Variants in KAT2A observed in about 807,000 individuals in gnomAD.
KAT2A encodes lysine acetyltransferase 2A.
In KAT2A, 42 loss-of-function variants were observed where a neutral mutation model predicts 95.2. The ratio of observed to expected loss-of-function variants is 0.44; its 90% CI spans 0.34 to 0.57. The LOEUF is 0.57. Among genes scored for constraint, KAT2A ranks in the 20% least tolerant of loss-of-function variants. The pLI, the probability that KAT2A is intolerant of heterozygous loss-of-function variation, is 0.01. For missense variants in KAT2A, 784 were observed against 1,126.3 expected (o/e 0.70, Z 4.35); for synonymous variants, 449 against 448.2 (o/e 1.00, Z -0.02).
rs1555667400 is a variant in KAT2A, at chr17:42,121,340, C to T, written c.-36G>A. ...GCAGCGGAGAGCGGCGCCGCGCTCCCAGCCCTAGGGCCGCATGGGCAACCA... is the reference window on the plus strand; with the variant it reads ...GCAGCGGAGAGCGGCGCCGCGCTCCTAGCCCTAGGGCCGCATGGGCAACCA... On this transcript the variant is annotated 5_prime_UTR_variant, in exon 1 of 18. Transcript: ENST00000225916. 3 of 1,364,934 alleles carry T rather than the reference C, an allele frequency of 2.2e-6. No individual in the cohort carries two copies. The highest frequency in any genetic ancestry group is 1.9e-6 in the Non-Finnish European group (2 of 1,066,274). 84.6% of individuals were successfully genotyped at this position (1,364,934 alleles called of 1,614,324 possible).
At chr17:42,115,100 C>A in intron 12 of KAT2A, 65 bp from the exon 13 acceptor site, 1 of 1,541,626 alleles carries the variant, frequency 6.5e-7, no homozygotes, top group Non-Finnish European at 8.9e-7. Flanking sequence ...TCGTCCCTCA[C>A]CTGGGAGCAC....
In KAT2A at chr17:42,119,363, G is replaced by A. The variant is rs1555666799; in HGVS notation, c.955C>T (p.Arg319Ter). The part of the protein sequence containing the change: ...PRYETTHVFG[R>*]SLLRSIFTVT... ...GTGAAAATGGACCGGAGAAGGCTTC[G>A]CCCAAAGACATGAGTGGTTTCGTAG... The change falls in exon 6 of 18, where the codon CGA (arginine) becomes TGA (stop). Residue 319 changes from arginine to a stop codon, truncating the protein, a stop_gained. Coordinates refer to ENST00000225916, the MANE Select transcript of KAT2A (RefSeq NM_021078.3). LOFTEE classifies it high-confidence loss of function. This position sits in a 1 kb window ranked among gnomAD's most constrained non-coding sequence, Gnocchi z 5.3. 7 of 1,613,922 alleles carry A rather than the reference G, an allele frequency of 4.3e-6. No homozygotes were observed. In the Admixed American group the frequency reaches 8.3e-5, roughly 19 times the overall value.
In KAT2A at chr17:42,119,925, C is replaced by A; in HGVS notation, c.699+105G>T. 8.6e-7 allele frequency: 1 copy of A among 1,168,056 alleles called. No individual in the cohort carries two copies. Among genetic ancestry groups the A allele is most frequent in the Admixed American group, 1.8e-5 (1 of 55,568 alleles). The allele number at this position is 1,168,056 out of a possible 1,614,324, so 72.4% of individuals were successfully genotyped here. A position where few individuals can be genotyped will look rare whatever the true frequency, so the allele number is the denominator to read the frequency against. ...CACAAAACACCCTTCCTTCTCTGAA[C>A]CTCCCCAGTGTTCTCAGCTTGAGGA... On this transcript the variant is annotated intron_variant, in intron 4 of 17. Coordinates refer to ENST00000225916, the MANE Select transcript of KAT2A (RefSeq NM_021078.3). The surrounding 1 kb of genome is among the most constrained non-coding windows in gnomAD (Gnocchi z 5.3).
At chr17:42,120,195 C>G (rs1426015128) in intron 3 of KAT2A, 30 bp downstream of exon 3, 3 of 1,614,028 alleles carry the variant, frequency 1.9e-6, no homozygotes, top group Non-Finnish European at 1.7e-6. Flanking sequence ...CCACCTCCTT[C>G]ACTCACACCC....
rs1041810405 is a variant in KAT2A at position 42,114,479 on chromosome 17, C to A, written c.2134+11G>T. The A allele has an allele frequency of 5.6e-5, 91 of 1,613,532 alleles. No homozygotes were observed. Among genetic ancestry groups the A allele is most frequent in the Non-Finnish European group, 7.5e-5 (89 of 1,179,562 alleles). ...TGCCCCCACTACCCTGCAACTGAGA[C>A]CCCTGCTTACGAATGCCAGGAACGC... On this transcript the variant is annotated intron_variant, in intron 14 of 17. Coordinates refer to ENST00000225916, the MANE Select transcript of KAT2A (RefSeq NM_021078.3). The surrounding 1 kb of genome is among the most constrained non-coding windows in gnomAD (Gnocchi z 6.0).
Position 42,119,133 on chromosome 17 carries a change from G to A in KAT2A, c.1073+112C>T. 6.6e-7 allele frequency: 1 copy of A among 1,505,322 alleles called. No individual in the cohort carries two copies. The highest frequency in any genetic ancestry group is 8.9e-7 in the Non-Finnish European group (1 of 1,128,392). 93.2% of individuals were successfully genotyped at this position (1,505,322 alleles called of 1,614,324 possible). ...CCAGGTAGACGCCCAGATCCCAAAA[G>A]GCCCATGGAGGGAGAGGAGGGACCA... On this transcript the variant is annotated intron_variant, in intron 6 of 17. Coordinates refer to ENST00000225916, the MANE Select transcript of KAT2A (RefSeq NM_021078.3). This position sits in a 1 kb window ranked among gnomAD's most constrained non-coding sequence, Gnocchi z 5.3.
In KAT2A at chr17:42,120,057, A is replaced by G. The variant is rs782001146; in HGVS notation, c.672T>C (p.Pro224=). 1.2e-6 allele frequency: 2 copies of G among 1,614,050 alleles called. No homozygotes were observed. The highest frequency in any genetic ancestry group is 1.7e-6 in the Non-Finnish European group (2 of 1,179,968). The change falls in exon 4 of 18, where the codon CCT becomes CCC. Residue 224 remains proline (P), a synonymous_variant. Coordinates refer to ENST00000225916, the MANE Select transcript of KAT2A (RefSeq NM_021078.3). ...RPVVEGSLGS[P]PFEKPNIEQG... ...GCTCAATATTAGGTTTCTCAAATGG[A>G]GGGCTGCCCAGGGACCCCTCCACCA...
In KAT2A at chr17:42,119,983, G is replaced by A. The variant is rs1202553734; in HGVS notation, c.699+47C>T. 2.7e-6 allele frequency: 4 copies of A among 1,501,540 alleles called. No homozygotes were observed. The East Asian group carries it at 6.8e-5, about 25-fold the overall frequency. The allele number at this position is 1,501,540 out of a possible 1,614,324, so 93.0% of individuals were successfully genotyped here. A position where few individuals can be genotyped will look rare whatever the true frequency, so the allele number is the denominator to read the frequency against. On this transcript the variant is annotated intron_variant, in intron 4 of 17. Transcript: ENST00000225916. This position sits in a 1 kb window ranked among gnomAD's most constrained non-coding sequence, Gnocchi z 5.3. The stretch of plus-strand genomic sequence containing the variant: ...GAACACAGGCTCCCCACTCCTCCAA[G>A]CTGTCCCCAATTCTCCTATCCGCTA...
intron 12 of KAT2A, 82 bp downstream of exon 12, chr17:42,115,641 C>A: frequency 1.1e-6 from 1 of 872,708 alleles, no homozygotes; most frequent in Middle Eastern, 2.4e-4. Flanking sequence ...CAAAGGGACT[C>A]CTACTCCATC....
rs1598233391 is a variant in KAT2A, at chr17:42,119,245, T to C, written c.1073A>G (p.Lys358Arg). ...CCTGGTAGGCCAGAAGGAGCCTTAC[T>C]TGGGGAAGTGAGTGAGGATGAGGGT... ...KRTLILTHFPKFLSMLEEEIY... is the reference protein window; with the variant it reads ...KRTLILTHFPRFLSMLEEEIY... The change falls in exon 6 of 18, where the codon AAA becomes AGA. Residue 358 changes from lysine to arginine, a missense_variant and splice_region_variant. Lys to Arg is a conservative substitution (Grantham distance 26, BLOSUM62 2). Transcript: ENST00000225916. This position sits in a 1 kb window ranked among gnomAD's most constrained non-coding sequence, Gnocchi z 5.3. 1 of 1,601,258 alleles carries C rather than the reference T, an allele frequency of 6.2e-7. No homozygotes were observed.
Position 42,113,704 on chromosome 17 carries a change from G to A in KAT2A, c.2459C>T (p.Ala820Val), listed in dbSNP as rs2054204727. 6.2e-7 allele frequency: 1 copy of A among 1,611,610 alleles called. No individual in the cohort carries two copies. The part of the protein sequence containing the change: ...PDSEYCRCAS[A>V]LEKFFYFKLK... ...CTTGAAGTAGAAGAACTTCTCCAGG[G>A]CGCTGGCACAGCGGCAGTACTCGCT... Residue 820 changes from alanine to valine, a missense_variant, in exon 18 of 18, where the codon GCC (alanine) becomes GTC (valine). Physicochemically the swap from Ala to Val is moderately conservative, Grantham distance 64. Around this residue, in one of 6 missense-constraint regions of KAT2A, gnomAD observed 195 missense variants for 247.1 expected, o/e 0.79. Transcript: ENST00000225916.
Position 42,119,824 on chromosome 17 carries a change from T to C in KAT2A, c.700-106A>G, listed in dbSNP as rs1413516880. Reference sequence around the variant, plus strand: ...TCCCTGGCCAGGGACAAGGTTCTCCTTCTCCTCTCTCTCTCGGGTGCTCTC... The same window carrying C: ...TCCCTGGCCAGGGACAAGGTTCTCCCTCTCCTCTCTCTCTCGGGTGCTCTC... On this transcript the variant is annotated intron_variant, in intron 4 of 17. Transcript: ENST00000225916. The surrounding 1 kb of genome is among the most constrained non-coding windows in gnomAD (Gnocchi z 5.3). 3.7e-6 allele frequency: 4 copies of C among 1,070,930 alleles called. No homozygotes were observed. In the African/African-American group the frequency reaches 6.4e-5, roughly 17 times the overall value. 66.3% of individuals were successfully genotyped at this position (1,070,930 alleles called of 1,614,324 possible).
chr17:42,113,392 C>T lies in KAT2A; in HGVS notation c.*257G>A, dbSNP rs1598225961. ...GGGGCCACCACGGCTGGGCAAGGTT[C>T]ATCCCTGGCCACCAGCTACTCTAGA... On this transcript the variant is annotated 3_prime_UTR_variant, in exon 18 of 18. Coordinates refer to ENST00000225916, the MANE Select transcript of KAT2A (RefSeq NM_021078.3). The T allele has an allele frequency of 2.6e-6, 1 of 387,598 alleles. No individual in the cohort carries two copies. The highest frequency in any genetic ancestry group is 5.1e-5 in the East Asian group (1 of 19,688). 24.0% of individuals were successfully genotyped at this position (387,598 alleles called of 1,614,324 possible). A position where few individuals can be genotyped will look rare whatever the true frequency, so the allele number is the denominator to read the frequency against.
chr17:42,113,974 A>G, intron 17 of KAT2A, 26 bp downstream of exon 17: 1 of 1,499,260 alleles, frequency 6.7e-7, no homozygotes, highest in Non-Finnish European at 8.9e-7. Flanking sequence ...AAGAGGAGGG[A>G]AGGGGATGGA....
chr17:42,118,485 G>A (rs2054293793), intron 6 of KAT2A, 82 bp from the exon 7 acceptor site: 1 of 943,926 alleles, frequency 1.1e-6, no homozygotes, highest in South Asian at 1.3e-5. Context: ...CTGGAGGCTG[G>A]TCAGAGACAG....
chr17:42,114,802 T>C lies in KAT2A; in HGVS notation c.2019+90A>G, dbSNP rs1555665629. On this transcript the variant is annotated intron_variant, in intron 13 of 17. Transcript: ENST00000225916. This position sits in a 1 kb window ranked among gnomAD's most constrained non-coding sequence, Gnocchi z 6.0. ...CTCCTCACTCACACACATATATGCA[T>C]GTAGACGTAGAACAGGTCTACACAC... is the stretch of plus-strand genomic sequence containing the variant. 4.3e-6 allele frequency: 6 copies of C among 1,394,308 alleles called. No individual in the cohort carries two copies. In the African/African-American group the frequency reaches 8.5e-5, roughly 20 times the overall value. 86.4% of individuals were successfully genotyped at this position (1,394,308 alleles called of 1,614,324 possible). A position where few individuals can be genotyped will look rare whatever the true frequency, so the allele number is the denominator to read the frequency against.
chr17:42,121,356 T>G lies in KAT2A; in HGVS notation c.-52A>C. The G allele has an allele frequency of 2.2e-6, 3 of 1,349,092 alleles. No individual in the cohort carries two copies. The highest frequency in any genetic ancestry group is 1.9e-6 in the Non-Finnish European group (2 of 1,056,968). 83.6% of individuals were successfully genotyped at this position (1,349,092 alleles called of 1,614,324 possible). A position where few individuals can be genotyped will look rare whatever the true frequency, so the allele number is the denominator to read the frequency against. On this transcript the variant is annotated 5_prime_UTR_variant, in exon 1 of 18. The change abolishes an upstream ATG in the 5' untranslated region. Transcript: ENST00000225916. ...CCGCGCTCCCAGCCCTAGGGCCGCA[T>G]GGGCAACCAGCGCTCAGTGCGCAGG...
chr17:42,119,474 G>A lies in KAT2A; in HGVS notation c.882-38C>T, dbSNP rs1310230646. 3.1e-6 allele frequency: 5 copies of A among 1,589,084 alleles called. No individual in the cohort carries two copies. The highest frequency in any genetic ancestry group is 1.7e-5 in the Admixed American group (1 of 58,332). ...GTCGAGGGGGAGACAGGTGAGGGCG[G>A]AAACCACTGAACCCAGGCTGGGCCT... On this transcript the variant is annotated intron_variant, in intron 5 of 17. Coordinates refer to ENST00000225916, the MANE Select transcript of KAT2A (RefSeq NM_021078.3). The surrounding 1 kb of genome is among the most constrained non-coding windows in gnomAD (Gnocchi z 5.3).
intron 2 of KAT2A, 96 bp downstream of exon 2, chr17:42,120,610 T>C (rs2054322429): frequency 6.9e-7 from 1 of 1,453,788 alleles, no homozygotes; most frequent in South Asian, 1.2e-5. Flanking sequence ...CGAGGCATCT[T>C]TGATTTTTTC....
Sources: gnomAD v4.1 joint callset for allele counts on GRCh38, gnomAD v4.1.1 for gene constraint, gnomAD v4.1.1 regional missense constraint, Gnocchi (gnomAD v3.1) non-coding constraint, MANE v1.5 for transcripts, NCBI Gene and HGNC (gene_info 2026-07-23, HGNC 2026-07-21) for gene names.